Variants in DAB1 observed in about 807,000 individuals in gnomAD.
DAB1 encodes the protein disabled homolog 1.
DAB1 carries 15 observed loss-of-function variants against 64.6 expected under a neutral mutation model. The ratio of observed to expected loss-of-function variants is 0.23; its 90% CI spans 0.16 to 0.36. The LOEUF (loss-of-function observed/expected upper bound fraction) is 0.36. DAB1 is among the 10% of genes least tolerant of loss of function. DAB1 has a pLI of 1.00. For missense variants in DAB1, 596 were observed against 706.7 expected, an observed-to-expected ratio of 0.84 and a Z score of 1.78; for synonymous variants, 235 against 251.9, an observed-to-expected ratio of 0.93 and a Z score of 0.64.
At chr1:58,527,388 A>G (rs1430379999) in intron 1 of DAB1, 34 of 837,492 alleles carry the variant, frequency 4.1e-5, no homozygotes, top group Non-Finnish European at 4.2e-6. Flanking sequence ...TCACGAAAAA[A>G]GGAGTAACAC....
chr1:57,797,458 C>G (rs1650927185), intron 6 of DAB1, among the ~76,000 whole-genome samples: 1 of 152,206 alleles, frequency 6.6e-6, no homozygotes, highest in Non-Finnish European at 1.5e-5. Context: ...TCTTCTATAA[C>G]ACATTTAATC....
At chr1:57,894,945 T>C (rs1285822528) in intron 5 of DAB1, among the ~76,000 whole-genome samples, 1 of 152,080 alleles carries the variant, frequency 6.6e-6, no homozygotes, top group Non-Finnish European at 1.5e-5. Flanking sequence ...TCTGAGCAAA[T>C]TGTAGCAAAT....
At chr1:58,247,776 C>T (rs1660614824) in intron 4 of DAB1, among the ~76,000 whole-genome samples, 1 of 149,330 alleles carries the variant, frequency 6.7e-6, no homozygotes, top group Non-Finnish European at 1.5e-5. Flanking sequence ...CTTCTCCTCA[C>T]CACCACCCTC....
chr1:58,400,388 G>A (rs1461627897), intron 3 of DAB1, among the ~76,000 whole-genome samples: 20 of 152,166 alleles, frequency 1.3e-4, no homozygotes, highest in Admixed American at 1.3e-3. Flanking sequence ...GTGGCCATTA[G>A]GATGGTGATG....
chr1:58,101,581 C>A (rs1651327202), intron 5 of DAB1, among the ~76,000 whole-genome samples: 1 of 152,056 alleles, frequency 6.6e-6, no homozygotes, highest in African/African-American at 2.4e-5. Flanking sequence ...GAACTTATGG[C>A]CCAAGAGAGT....
chr1:58,121,847 T>G (rs569097609), intron 5 of DAB1, among the ~76,000 whole-genome samples: 31 of 152,198 alleles, frequency 2.0e-4, no homozygotes, highest in Non-Finnish European at 3.5e-4. Flanking sequence ...TTTCCTCTAA[T>G]AATACTCTTC....
At chr1:58,239,589 C>T (rs1254158382) in intron 4 of DAB1, among the ~76,000 whole-genome samples, 3 of 152,142 alleles carry the variant, frequency 2.0e-5, no homozygotes, top group Non-Finnish European at 4.4e-5. Context: ...AGTGCAGAAA[C>T]TTCAGCTAGG....
At chr1:57,341,598 C>T (rs563217680) in intron 1 of DAB1, among the ~76,000 whole-genome samples, 57 of 152,246 alleles carry the variant, frequency 3.7e-4, no homozygotes, top group Non-Finnish European at 6.8e-4. Flanking sequence ...AACAAAGGGT[C>T]CTTCAAAAAC....
chr1:57,085,727 TG>T (rs1238060578), intron 4 of DAB1, among the ~76,000 whole-genome samples: 1 of 152,222 alleles, frequency 6.6e-6, no homozygotes, highest in African/African-American at 2.4e-5. Flanking sequence ...AGTGCTCCCA[TG>T]TTCGTTTTTG....
rs1462676266 is a variant in DAB1, at chr1:57,026,097, G to A, written c.724-54C>T. On this transcript the variant is annotated intron_variant, in intron 9 of 14. Coordinates refer to ENST00000371236, the MANE Select transcript of DAB1 (RefSeq NM_001365792.1). ...CTACAAAGAAAGCTGGTGCTGCTGG[G>A]CCCTGCTTTACACACAGTATGGTAT... 45 of 1,376,692 alleles carry A rather than the reference G, an allele frequency of 3.3e-5. 2 individuals carry two copies. The South Asian group carries it at 5.1e-4, about 16-fold the overall frequency. 85.3% of individuals were successfully genotyped at this position (1,376,692 alleles called of 1,614,324 possible).
chr1:57,632,041 T>A (rs1227219308), intron 7 of DAB1, among the ~76,000 whole-genome samples: 2 of 152,206 alleles, frequency 1.3e-5, no homozygotes, highest in Non-Finnish European at 2.9e-5. Flanking sequence ...GAGGGAACAG[T>A]CTACAGGGAG....
At chr1:57,488,862 G>A (rs969355359) in intron 7 of DAB1, among the ~76,000 whole-genome samples, 8 of 151,978 alleles carry the variant, frequency 5.3e-5, no homozygotes, top group East Asian at 1.9e-4. Flanking sequence ...TAATAATATC[G>A]ATTTTGAAGT....
At chr1:57,585,633 C>A (rs1645370122) in intron 7 of DAB1, among the ~76,000 whole-genome samples, 1 of 152,106 alleles carries the variant, frequency 6.6e-6, no homozygotes, top group Non-Finnish European at 1.5e-5. Flanking sequence ...TTTCTTTCTA[C>A]CCCCTTAGGC....
chr1:57,057,732 C>T (rs1462069207), intron 9 of DAB1, among the ~76,000 whole-genome samples: 2 of 151,776 alleles, frequency 1.3e-5, no homozygotes, highest in Non-Finnish European at 2.9e-5. Context: ...CTCAGCCTCC[C>T]AAGCAGCTGG....
intron 2 of DAB1, among the ~76,000 whole-genome samples, chr1:57,287,331 T>A (rs1299980529): frequency 6.6e-6 from 1 of 152,104 alleles, no homozygotes; most frequent in Non-Finnish European, 1.5e-5. Flanking sequence ...CACCTTAGCC[T>A]CCCAAAGAGC....
chr1:58,435,275 C>T (rs914445290), intron 3 of DAB1, among the ~76,000 whole-genome samples: 5 of 152,142 alleles, frequency 3.3e-5, no homozygotes, highest in African/African-American at 1.2e-4. Flanking sequence ...TCTAGCCTTT[C>T]TGTCTCTGTC....
intron 1 of DAB1, among the ~76,000 whole-genome samples, chr1:57,294,689 C>T (rs890099929): frequency 2.0e-5 from 3 of 152,014 alleles, no homozygotes; most frequent in South Asian, 2.1e-4. Flanking sequence ...TTTAAGAATC[C>T]AATATAATTA....
intron 1 of DAB1, among the ~76,000 whole-genome samples, chr1:58,544,269 T>C (rs1055454431): frequency 6.6e-5 from 10 of 152,242 alleles, no homozygotes; most frequent in African/African-American, 2.2e-4. Flanking sequence ...TTATTATTCA[T>C]TCATTCTGAA....
At chr1:57,685,477 A>T (rs192371758) in intron 6 of DAB1, among the ~76,000 whole-genome samples, 2 of 152,312 alleles carry the variant, frequency 1.3e-5, no homozygotes, top group Admixed American at 6.5e-5. Context: ...AGACTTCAAC[A>T]ACCCATTGAC....
Sources: allele counts gnomAD v4.1 joint callset (sites outside exome capture counted in the v4.1 genomes callset), GRCh38; gene constraint gnomAD v4.1.1; transcripts MANE v1.5; gene names NCBI Gene and HGNC (gene_info 2026-07-23, HGNC 2026-07-21).